The following CAPN11 variants were observed in gnomAD, a reference collection of about 807,000 sequenced individuals.
The protein encoded by CAPN11 is calpain 11.
Under a neutral mutation model 105.3 loss-of-function variants are expected in CAPN11, and 108 were observed. The observed-to-expected ratio is 1.03, with a 90% confidence interval of 0.88 to 1.20. CAPN11 has a LOEUF of 1.20. Ranked by LOEUF, CAPN11 falls within the 50% of genes most tolerant of loss-of-function variation. The probability of loss-of-function intolerance (pLI) is 0.00; values close to 1 mark genes in which losing one functional copy is unlikely to be tolerated. For missense variants in CAPN11, 883 were observed against 924.8 expected (o/e 0.95, Z 0.59); for synonymous variants, 329 against 344.5 (o/e 0.96, Z 0.50).
chr6:44,161,443 G>A (rs764089114), intron 1 of CAPN11, among the ~76,000 whole-genome samples: 14 of 152,106 alleles, frequency 9.2e-5, no homozygotes, highest in Admixed American at 2.0e-4. Flanking sequence ...CAGGTGATCC[G>A]CCCACCTCAG....
chr6:44,177,999 A>G (rs1255891267), intron 12 of CAPN11, among the ~76,000 whole-genome samples: 1 of 152,070 alleles, frequency 6.6e-6, no homozygotes, highest in African/African-American at 2.4e-5. Flanking sequence ...CTAGGACTAC[A>G]GGCAATTGTC....
At chr6:44,165,040 C>T (rs1245203000) in intron 1 of CAPN11, among the ~76,000 whole-genome samples, 1 of 152,076 alleles carries the variant, frequency 6.6e-6, no homozygotes, top group East Asian at 1.9e-4. Flanking sequence ...AGGTGTGCAC[C>T]ACCACACCTG....
At chr6:44,165,462 T>C (rs1359668208) in intron 1 of CAPN11, among the ~76,000 whole-genome samples, 1 of 152,240 alleles carries the variant, frequency 6.6e-6, no homozygotes, top group Non-Finnish European at 1.5e-5. Flanking sequence ...CCTTGCTTAC[T>C]GCACTGGATG....
chr6:44,167,589 C>T (rs553826635), intron 2 of CAPN11, among the ~76,000 whole-genome samples: 2 of 143,812 alleles, frequency 1.4e-5, no homozygotes, highest in South Asian at 4.5e-4. Context: ...AGAGACAATT[C>T]AAATACCCTA....
chr6:44,183,891 T>C lies in CAPN11; in HGVS notation c.2194-15T>C, dbSNP rs994756914. 1 of 1,560,776 alleles carries C rather than the reference T, an allele frequency of 6.4e-7. No individual in the cohort carries two copies. The highest frequency in any genetic ancestry group is 8.7e-7 in the Non-Finnish European group (1 of 1,151,946). On this transcript the variant is annotated splice_polypyrimidine_tract_variant and intron_variant, in intron 22 of 22. Coordinates refer to ENST00000398776, the MANE Select transcript of CAPN11 (RefSeq NM_007058.4). ...CGTCTCTTCCCACCCTGGGATCTGC[T>C]TCCTGTCTCCACAGTGGCTGCAGAT...
chr6:44,182,825 C>G, intron 19 of CAPN11, 116 bp from the exon 20 acceptor site: 1 of 713,880 alleles, frequency 1.4e-6, no homozygotes, highest in Non-Finnish European at 2.5e-6. Context: ...CCGCCTGCCT[C>G]GGCCTTTCAA....
intron 4 of CAPN11, among the ~76,000 whole-genome samples, chr6:44,170,865 GT>G (rs1770868534): frequency 6.6e-6 from 1 of 151,912 alleles, no homozygotes; most frequent in South Asian, 2.1e-4. Flanking sequence ...CCTAAGTCTG[GT>G]CCCGTTCAAG....
chr6:44,179,619 G>T lies in CAPN11; in HGVS notation c.1417G>T (p.Val473Phe), dbSNP rs1772793680. The stretch of plus-strand genomic sequence containing the variant: ...ACTCTCCTCTTTCTTCCCTTCCCAG[G>T]TCCCAAAAGAGGTACAGAAGATAAA... The part of the protein sequence containing the change: ...LQTIGFVLYA[V>F]PKEFQNIQDV... Residue 473 changes from valine to phenylalanine, a missense_variant and splice_region_variant, in exon 13 of 23, where the codon GTC becomes TTC. Coordinates refer to ENST00000398776, the MANE Select transcript of CAPN11 (RefSeq NM_007058.4). 6.2e-7 allele frequency: 1 copy of T among 1,613,220 alleles called. No individual in the cohort carries two copies. Among genetic ancestry groups the T allele is most frequent in the African/African-American group, 1.3e-5 (1 of 74,950 alleles).
intron 1 of CAPN11, among the ~76,000 whole-genome samples, chr6:44,162,125 C>T (rs1374150272): frequency 6.6e-6 from 1 of 151,956 alleles, no homozygotes; most frequent in Non-Finnish European, 1.5e-5. Flanking sequence ...CCGTAATCAC[C>T]CCGGGTTGAG....
At chr6:44,166,943 A>C (rs1262731540) in intron 2 of CAPN11, 114 bp downstream of exon 2, 2 of 252,082 alleles carry the variant, frequency 7.9e-6, no homozygotes, top group Non-Finnish European at 1.6e-5. Flanking sequence ...TTGTGTGGGG[A>C]GGGCGGCGGG....
At chr6:44,181,830 A>T (rs796872529) in intron 19 of CAPN11, among the ~76,000 whole-genome samples, 10 of 61,602 alleles carry the variant, frequency 1.6e-4, no homozygotes, top group Non-Finnish European at 3.5e-4. Flanking sequence ...CACACCACAC[A>T]CACACACACT....
chr6:44,183,318 T>G, intron 21 of CAPN11, 83 bp downstream of exon 21: 1 of 835,928 alleles, frequency 1.2e-6, no homozygotes, highest in African/African-American at 1.7e-5. Context: ...TGGGTGCTGC[T>G]CCAGATCCCC....
In CAPN11 at chr6:44,169,498, A is replaced by C. The variant is rs572114862; in HGVS notation, c.306A>C (p.Lys102Asn). 2.5e-5 allele frequency: 40 copies of C among 1,600,908 alleles called. 1 individual carries two copies. The Admixed American group carries it at 3.6e-4, about 15-fold the overall frequency. ...TCAAGGACCTGGGCCCCAACTCCAA[A>C]AATGTGCAGAACATCTCCTGGCAGC... is the stretch of plus-strand genomic sequence containing the variant. ...LGFKDLGPNS[K>N]NVQNISWQRP... is the part of the protein sequence containing the mutation. Residue 102 changes from lysine to asparagine, a missense_variant, in exon 3 of 23, where the codon AAA becomes AAC. Lys to Asn is a moderately conservative substitution (Grantham distance 94). Coordinates refer to ENST00000398776, the MANE Select transcript of CAPN11 (RefSeq NM_007058.4).
intron 1 of CAPN11, among the ~76,000 whole-genome samples, chr6:44,160,825 A>G (rs930913438): frequency 1.3e-5 from 2 of 152,330 alleles, no homozygotes; most frequent in East Asian, 3.9e-4. Flanking sequence ...TGAGACAGAG[A>G]GACCACATTC....
chr6:44,183,575 T>G (rs1402189759), intron 21 of CAPN11, 130 bp from the exon 22 acceptor site: 2 of 847,106 alleles, frequency 2.4e-6, no homozygotes, highest in Non-Finnish European at 3.9e-6. Flanking sequence ...ATTCCCCACT[T>G]GGCTAGGGGA....
At chr6:44,166,899 C>A in intron 2 of CAPN11, 70 bp downstream of exon 2, 2 of 1,087,132 alleles carry the variant, frequency 1.8e-6, no homozygotes, top group Non-Finnish European at 2.7e-6. Context: ...CTCTTCTCTT[C>A]CCCTGGGCCT....
intron 18 of CAPN11, 110 bp downstream of exon 18, chr6:44,181,107 T>A: frequency 8.1e-7 from 1 of 1,230,488 alleles, no homozygotes. Flanking sequence ...GATTAGGCTC[T>A]GGGGTAGCAG....
intron 19 of CAPN11, among the ~76,000 whole-genome samples, chr6:44,182,054 TACAGACACAACCACACCACACACACA>T (rs1773703748): frequency 2.8e-4 from 1 of 3,578 alleles, no homozygotes; most frequent in Non-Finnish European, 5.4e-4. Flanking sequence ...CACACACACA[TACAGACACAACCACACCACACACACA>T]CACACATACA....
chr6:44,177,732 C>T (rs565365567), intron 12 of CAPN11: 2 of 264,150 alleles, frequency 7.6e-6, no homozygotes, highest in Non-Finnish European at 1.5e-5. Flanking sequence ...GGTAATCTGC[C>T]TGTCTCGGCC....
Sources: gnomAD v4.1 joint callset for allele counts (sites outside exome capture counted in the v4.1 genomes callset) on GRCh38, gnomAD v4.1.1 for gene constraint, MANE v1.5 for transcripts, NCBI Gene and HGNC (gene_info 2026-07-23, HGNC 2026-07-21) for gene names.